Variants in GALNTL6 observed in about 807,000 individuals in gnomAD.
GALNTL6 encodes polypeptide N-acetylgalactosaminyltransferase-like 6.
A neutral mutation model predicts 73.7 loss-of-function variants in GALNTL6; 46 were observed. That is an observed-to-expected ratio of 0.62 (90% CI 0.49 to 0.80). GALNTL6 has a LOEUF of 0.80. Ranked by LOEUF, GALNTL6 falls within the 30% of genes least tolerant of loss-of-function variation. GALNTL6 has a pLI of 0.00. For missense variants in GALNTL6, 604 were observed against 755.0 expected, an observed-to-expected ratio of 0.80 and a Z score of 2.34; for synonymous variants, 259 against 263.7, an observed-to-expected ratio of 0.98 and a Z score of 0.17.
intron 5 of GALNTL6, among the ~76,000 whole-genome samples, chr4:172,556,123 C>T (rs890189143): frequency 6.6e-6 from 1 of 152,068 alleles, no homozygotes; most frequent in Non-Finnish European, 1.5e-5. Flanking sequence ...TTATTTCCAT[C>T]TTCCATTCCA....
chr4:172,146,456 A>AT (rs1363187222), intron 2 of GALNTL6, among the ~76,000 whole-genome samples: 1 of 152,198 alleles, frequency 6.6e-6, no homozygotes, highest in Non-Finnish European at 1.5e-5. Context: ...CTCTGTATTA[A>AT]TTTTTTATTA....
intron 5 of GALNTL6, among the ~76,000 whole-genome samples, chr4:172,624,529 A>C (rs567264046): frequency 2.6e-5 from 4 of 152,158 alleles, no homozygotes; most frequent in South Asian, 4.1e-4. Context: ...AGAAGAGAGA[A>C]TCTGAATCAG....
chr4:172,609,343 T>A (rs542795847), intron 5 of GALNTL6, among the ~76,000 whole-genome samples: 19 of 152,294 alleles, frequency 1.2e-4, no homozygotes, highest in Admixed American at 3.9e-4. Flanking sequence ...GTTGAGAATT[T>A]TAGACATGTA....
intron 2 of GALNTL6, among the ~76,000 whole-genome samples, chr4:171,849,797 G>A (rs1465646508): frequency 6.6e-6 from 1 of 152,162 alleles, no homozygotes; most frequent in East Asian, 1.9e-4. Context: ...GACCAGAAAA[G>A]GCACTTCAAA....
chr4:172,151,663 G>A (rs1470698775), intron 2 of GALNTL6, among the ~76,000 whole-genome samples: 2 of 151,958 alleles, frequency 1.3e-5, no homozygotes, highest in Non-Finnish European at 2.9e-5. Flanking sequence ...AAAAATCCAG[G>A]GCAGTGTTTG....
At chr4:171,869,234 TAGAA>T (rs1736067693) in intron 2 of GALNTL6, among the ~76,000 whole-genome samples, 1 of 152,120 alleles carries the variant, frequency 6.6e-6, no homozygotes, top group Non-Finnish European at 1.5e-5. Flanking sequence ...TAAACGTGTA[TAGAA>T]AGAAAGAGAA....
chr4:171,918,553 A>C (rs1376896437), intron 2 of GALNTL6, among the ~76,000 whole-genome samples: 1 of 152,130 alleles, frequency 6.6e-6, no homozygotes, highest in Non-Finnish European at 1.5e-5. Context: ...AGGAATGCAA[A>C]ATGGTGCAGC....
At chr4:172,119,796 C>G (rs1187004550) in intron 2 of GALNTL6, among the ~76,000 whole-genome samples, 1 of 152,172 alleles carries the variant, frequency 6.6e-6, no homozygotes, top group Non-Finnish European at 1.5e-5. Context: ...TGGACTCATG[C>G]ATCACAAACT....
intron 5 of GALNTL6, among the ~76,000 whole-genome samples, chr4:172,515,722 A>T (rs905875714): frequency 6.6e-6 from 1 of 152,190 alleles, no homozygotes; most frequent in Non-Finnish European, 1.5e-5. Flanking sequence ...TTGGCTGGCT[A>T]CTGGAACAGA....
At chr4:172,570,531 C>T (rs1321006025) in intron 5 of GALNTL6, among the ~76,000 whole-genome samples, 2 of 152,020 alleles carry the variant, frequency 1.3e-5, no homozygotes, top group Non-Finnish European at 1.5e-5. Context: ...CAGAAGAAAC[C>T]AGACATCCCA....
intron 2 of GALNTL6, among the ~76,000 whole-genome samples, chr4:172,107,455 A>G (rs1021334764): frequency 6.6e-6 from 1 of 151,902 alleles, no homozygotes; most frequent in South Asian, 2.1e-4. Flanking sequence ...CTAATTGGCT[A>G]TTGGTTCTAA....
chr4:172,000,788 C>T (rs1740651574), intron 2 of GALNTL6, among the ~76,000 whole-genome samples: 1 of 152,130 alleles, frequency 6.6e-6, no homozygotes, highest in South Asian at 2.1e-4. Flanking sequence ...ATTGGAGGAG[C>T]TGCCACCTCA....
At chr4:172,454,006 C>T (rs1561090220) in intron 5 of GALNTL6, among the ~76,000 whole-genome samples, 1 of 152,200 alleles carries the variant, frequency 6.6e-6, no homozygotes, top group Non-Finnish European at 1.5e-5. Context: ...TTACTGAGAA[C>T]ATCCTACAGG....
At chr4:172,202,807 G>A (rs1000492169) in intron 2 of GALNTL6, among the ~76,000 whole-genome samples, 1 of 152,098 alleles carries the variant, frequency 6.6e-6, no homozygotes, top group African/African-American at 2.4e-5. Flanking sequence ...ATATAATAGA[G>A]TTATATATTG....
intron 3 of GALNTL6, among the ~76,000 whole-genome samples, chr4:172,285,301 A>G (rs879774348): frequency 1.3e-5 from 2 of 152,196 alleles, no homozygotes; most frequent in Admixed American, 6.5e-5. Flanking sequence ...ATTTAAAAAT[A>G]TATACATAAT....
At chr4:171,962,665 G>T (rs1739258202) in intron 2 of GALNTL6, among the ~76,000 whole-genome samples, 1 of 151,048 alleles carries the variant, frequency 6.6e-6, no homozygotes. Context: ...AAATAATCAA[G>T]AAATAACCAT....
At chr4:171,856,464 A>C (rs1217662568) in intron 2 of GALNTL6, among the ~76,000 whole-genome samples, 2 of 152,056 alleles carry the variant, frequency 1.3e-5, no homozygotes, top group East Asian at 3.9e-4. Flanking sequence ...TTTATGAATC[A>C]TATATTTGGT....
chr4:172,004,228 G>T (rs1045861011), intron 2 of GALNTL6, among the ~76,000 whole-genome samples: 4 of 152,090 alleles, frequency 2.6e-5, no homozygotes, highest in African/African-American at 9.7e-5. Flanking sequence ...CCCCACAAAA[G>T]ATTTTCAATA....
chr4:172,690,584 C>CA (rs1426809141), intron 5 of GALNTL6, among the ~76,000 whole-genome samples: 1 of 152,130 alleles, frequency 6.6e-6, no homozygotes. Flanking sequence ...CTTCCAGTTG[C>CA]AAAAACAATG....
Sources: gnomAD v4.1 joint callset for allele counts (sites outside exome capture counted in the v4.1 genomes callset) on GRCh38, gnomAD v4.1.1 for gene constraint, MANE v1.5 for transcripts, NCBI Gene and HGNC (gene_info 2026-07-23, HGNC 2026-07-21) for gene names.